The following DPP10 variants were observed in gnomAD, a reference collection of about 807,000 sequenced individuals.
The protein encoded by DPP10 is dipeptidyl peptidase like 10, also known as inactive dipeptidyl peptidase 10.
A neutral mutation model predicts 120.9 loss-of-function variants in DPP10; 33 were observed. That is an observed-to-expected ratio of 0.27 (90% CI 0.21 to 0.37). DPP10 has a LOEUF of 0.37. Among genes scored for constraint, DPP10 ranks in the 10% least tolerant of loss-of-function variants. The pLI is 1.00. For synonymous variants in DPP10, 337 were observed against 326.1 expected, an observed-to-expected ratio of 1.03 and a Z score of -0.36; for missense variants, 816 against 942.8, an observed-to-expected ratio of 0.87 and a Z score of 1.76.
At chr2:115,622,482 A>G (rs1356085950) in intron 5 of DPP10, among the ~76,000 whole-genome samples, 2 of 149,110 alleles carry the variant, frequency 1.3e-5, no homozygotes, top group Admixed American at 1.3e-4. Flanking sequence ...ATCCACGCAA[A>G]AGGTTTTTCA....
chr2:115,826,581 C>T (rs1245705670), intron 21 of DPP10, among the ~76,000 whole-genome samples: 8 of 152,036 alleles, frequency 5.3e-5, no homozygotes, highest in Non-Finnish European at 1.0e-4. Context: ...ATTAGCCGGG[C>T]ATGATGGTAA....
chr2:115,476,193 G>A (rs1343014649), intron 3 of DPP10, among the ~76,000 whole-genome samples: 1 of 152,122 alleles, frequency 6.6e-6, no homozygotes. Context: ...CTGATTTGAG[G>A]TGATTGGATC....
At chr2:114,478,306 T>C (rs1255182475) in intron 1 of DPP10, among the ~76,000 whole-genome samples, 1 of 151,902 alleles carries the variant, frequency 6.6e-6, no homozygotes, top group Admixed American at 6.6e-5. Context: ...CAGGGTAGGG[T>C]AGGAAAAAAT....
intron 21 of DPP10, among the ~76,000 whole-genome samples, chr2:115,826,186 A>T (rs1301237650): frequency 6.6e-6 from 1 of 152,084 alleles, no homozygotes; most frequent in Non-Finnish European, 1.5e-5. Flanking sequence ...TGACATGGAA[A>T]CTCAGCATGA....
At chr2:114,549,663 C>CAAAAA (rs869226518) in intron 1 of DPP10, among the ~76,000 whole-genome samples, 10 of 76,444 alleles carry the variant, frequency 1.3e-4, no homozygotes, top group Non-Finnish European at 1.7e-4. Context: ...TGTGTGTCAA[C>CAAAAA]AAAAAAAAAA....
intron 3 of DPP10, among the ~76,000 whole-genome samples, chr2:115,490,587 T>G (rs2076051786): frequency 1.3e-5 from 2 of 152,212 alleles, no homozygotes; most frequent in Non-Finnish European, 2.9e-5. Flanking sequence ...TTCTTAAGAA[T>G]GTTCCCTGGG....
chr2:115,432,681 G>A (rs1247459805), intron 3 of DPP10, among the ~76,000 whole-genome samples: 1 of 151,100 alleles, frequency 6.6e-6, no homozygotes, highest in African/African-American at 2.4e-5. Context: ...GTGTGTGTGT[G>A]TGTGTGTGTG....
chr2:115,343,657 A>G (rs1017314314), intron 2 of DPP10, among the ~76,000 whole-genome samples, 160 bp from the exon 3 acceptor site: 3 of 152,162 alleles, frequency 2.0e-5, no homozygotes, highest in African/African-American at 7.2e-5. Context: ...TTAAAAAGTC[A>G]TTAAACAAAG....
intron 5 of DPP10, among the ~76,000 whole-genome samples, chr2:115,650,816 C>T (rs931335316): frequency 5.3e-5 from 8 of 151,008 alleles, no homozygotes; most frequent in African/African-American, 2.0e-4. Flanking sequence ...GGAGGAGGAG[C>T]GGAAAAGGAG....
At chr2:115,183,774 T>C (rs1283191031) in intron 1 of DPP10, among the ~76,000 whole-genome samples, 1 of 152,070 alleles carries the variant, frequency 6.6e-6, no homozygotes, top group African/African-American at 2.4e-5. Context: ...AGAGAAAATC[T>C]AGAGTGAGTT....
intron 1 of DPP10, among the ~76,000 whole-genome samples, chr2:115,036,983 G>A (rs937493951): frequency 6.6e-6 from 1 of 152,042 alleles, no homozygotes; most frequent in African/African-American, 2.4e-5. Flanking sequence ...TTTTTCTGAG[G>A]GAGAGAAGTA....
At chr2:115,162,872 T>C (rs2052534238) in intron 1 of DPP10, among the ~76,000 whole-genome samples, 1 of 152,032 alleles carries the variant, frequency 6.6e-6, no homozygotes, top group South Asian at 2.1e-4. Flanking sequence ...GGTGTCGCTC[T>C]TTTTCCAAAG....
At chr2:114,816,454 C>A (rs982604911) in intron 1 of DPP10, among the ~76,000 whole-genome samples, 1 of 152,148 alleles carries the variant, frequency 6.6e-6, no homozygotes, top group Admixed American at 6.5e-5. Flanking sequence ...TTTGCTGACC[C>A]CTCCCTAGAC....
chr2:114,628,622 GACTCTCATCTTGA>G lies in DPP10; in HGVS notation c.60+185791_60+185803del, dbSNP rs968698491. Among the ~76,000 whole-genome samples, 9 of 152,174 alleles carry G rather than the reference GACTCTCATCTTGA, an allele frequency of 5.9e-5. No individual in the cohort carries two copies. In the Middle Eastern group the frequency reaches 0.01, roughly 173 times the overall value. On this transcript the variant is annotated intron_variant, in intron 1 of 25. Transcript: ENST00000410059. ...ACTTGTGCATTCTTGCTGACAGCCT[GACTCTCATCTTGA>G]ACTCTCCAACCCAACTGAAGTTTTT...
intron 1 of DPP10, among the ~76,000 whole-genome samples, chr2:114,976,221 A>G (rs1161526368): frequency 2.0e-5 from 3 of 150,282 alleles, no homozygotes; most frequent in African/African-American, 7.3e-5. Flanking sequence ...ACATGATTAG[A>G]ACTTTTTTCC....
chr2:115,766,284 A>G (rs1020918896), intron 12 of DPP10, among the ~76,000 whole-genome samples: 20 of 50,220 alleles, frequency 4.0e-4, no homozygotes, highest in East Asian at 8.5e-4. Context: ...CTCATTATAT[A>G]TATGTGTGTG....
intron 1 of DPP10, among the ~76,000 whole-genome samples, chr2:114,563,006 AT>A (rs1426658790): frequency 6.6e-6 from 1 of 152,250 alleles, no homozygotes; most frequent in Non-Finnish European, 1.5e-5. Context: ...TACAGGGCTT[AT>A]TAAGAACAAA....
intron 8 of DPP10, among the ~76,000 whole-genome samples, chr2:115,738,388 G>A (rs967323993): frequency 1.1e-4 from 17 of 151,928 alleles, no homozygotes; most frequent in Non-Finnish European, 1.9e-4. Flanking sequence ...AGAACCATGC[G>A]AACTTGTTTC....
At chr2:115,613,061 A>G (rs766306087) in intron 5 of DPP10, among the ~76,000 whole-genome samples, 1 of 152,214 alleles carries the variant, frequency 6.6e-6, no homozygotes, top group Non-Finnish European at 1.5e-5. Context: ...GAGAGAATAC[A>G]TATTTAGACA....
Sources: gnomAD v4.1 joint callset for allele counts (sites outside exome capture counted in the v4.1 genomes callset) on GRCh38, gnomAD v4.1.1 for gene constraint, MANE v1.5 for transcripts, NCBI Gene and HGNC (gene_info 2026-07-23, HGNC 2026-07-21) for gene names.